The following TRIM24 variants were observed in gnomAD, a reference collection of about 807,000 sequenced individuals.
TRIM24 encodes the protein transcription intermediary factor 1-alpha.
In TRIM24, 29 loss-of-function variants were observed where a neutral mutation model predicts 123.9. The observed-to-expected ratio is 0.23, with a 90% confidence interval of 0.17 to 0.32. The LOEUF is 0.32. Among genes scored for constraint, TRIM24 ranks in the 10% least tolerant of loss-of-function variants. The probability of loss-of-function intolerance (pLI) is 1.00; values close to 1 mark genes in which losing one functional copy is unlikely to be tolerated. For missense variants in TRIM24, 932 were observed against 1,295.3 expected (o/e 0.72, Z 4.31); for synonymous variants, 456 against 461.1 (o/e 0.99, Z 0.14).
chr7:138,484,442 A>G lies in TRIM24; in HGVS notation c.365-19848A>G, dbSNP rs187710169. 6.7e-5 allele frequency among the ~76,000 whole-genome samples: 10 copies of G among 150,210 alleles called. 1 individual carries two copies. Among genetic ancestry groups the G allele is most frequent in the Admixed American group, 6.6e-4 (10 of 15,040 alleles). ...TTTTTTTTTTAATATACTTTTTCTT[A>G]TGTATCTAGTGAAAGCATAATTGTT... is the stretch of plus-strand genomic sequence containing the variant. On this transcript the variant is annotated intron_variant, in intron 1 of 18. Transcript: ENST00000343526.
chr7:138,517,090 G>A (rs1322690891), intron 3 of TRIM24, among the ~76,000 whole-genome samples: 2 of 150,306 alleles, frequency 1.3e-5, no homozygotes, highest in African/African-American at 4.9e-5. Flanking sequence ...GCGCGACAGT[G>A]TGAGATCCTG....
At position 138,554,962 on chromosome 7, in the gene TRIM24, A is replaced by T; in HGVS notation, c.1526A>T (p.His509Leu). Residue 509 changes from histidine (H) to leucine (L), a missense_variant, in exon 9 of 19, where the codon CAT (histidine) becomes CTT (leucine). His to Leu is a moderately conservative substitution (Grantham distance 99, BLOSUM62 -3). This residue lies in a region of TRIM24 where 527 missense variants were observed against 691.3 expected (regional missense o/e 0.76). Transcript: ENST00000343526. The surrounding 1 kb of genome is among the most constrained non-coding windows in gnomAD (Gnocchi z 4.5). The stretch of plus-strand genomic sequence containing the variant: ...CCCATCCAGCAACCTTCCATCTCTC[A>T]TCAGGTAAATTTGGAAGCAGGCCTG... ...QGPIQQPSIS[H>L]QQPPPRLINF... 1 of 1,612,340 alleles carries T rather than the reference A, an allele frequency of 6.2e-7. No homozygotes were observed. The highest frequency in any genetic ancestry group is 8.5e-7 in the Non-Finnish European group (1 of 1,178,636).
At chr7:138,560,481 A>G (rs1797403573) in intron 9 of TRIM24, among the ~76,000 whole-genome samples, 1 of 152,180 alleles carries the variant, frequency 6.6e-6, no homozygotes, top group Non-Finnish European at 1.5e-5. Flanking sequence ...AGTGAAGTCC[A>G]TTAGTAGGTT....
intron 1 of TRIM24, among the ~76,000 whole-genome samples, chr7:138,474,186 C>T (rs555976953): frequency 9.2e-4 from 132 of 144,172 alleles, no homozygotes; most frequent in Non-Finnish European, 1.8e-3. Context: ...AGTGCAGTGG[C>T]GCTATCTCAG....
intron 1 of TRIM24, among the ~76,000 whole-genome samples, chr7:138,485,130 A>T (rs1277062807): frequency 6.6e-6 from 1 of 152,228 alleles, no homozygotes; most frequent in African/African-American, 2.4e-5. Context: ...AAAATACATT[A>T]ATCGTTCTGT....
At chr7:138,519,369 G>A (rs200515082) in intron 4 of TRIM24, 48 bp downstream of exon 4, 26 of 1,533,828 alleles carry the variant, frequency 1.7e-5, no homozygotes, top group Middle Eastern at 4.7e-4. Context: ...CAGCTTTAGA[G>A]GACTAAAGGA....
chr7:138,529,756 A>G (rs1333076662), intron 6 of TRIM24, among the ~76,000 whole-genome samples: 1 of 152,198 alleles, frequency 6.6e-6, no homozygotes, highest in Admixed American at 6.5e-5. Flanking sequence ...AAACATTACC[A>G]TCTTCCTCAG....
chr7:138,469,375 C>G (rs1204024964), intron 1 of TRIM24, among the ~76,000 whole-genome samples: 1 of 148,290 alleles, frequency 6.7e-6, no homozygotes, highest in Non-Finnish European at 1.5e-5. Flanking sequence ...CAGTGGCCAT[C>G]TTGGCTCACT....
chr7:138,530,904 C>A (rs1465752362), intron 6 of TRIM24, among the ~76,000 whole-genome samples: 1 of 151,620 alleles, frequency 6.6e-6, no homozygotes, highest in African/African-American at 2.4e-5. Flanking sequence ...TGCAACCACA[C>A]CTGACTAATT....
At chr7:138,470,790 G>T (rs966818551) in intron 1 of TRIM24, among the ~76,000 whole-genome samples, 58 of 152,318 alleles carry the variant, frequency 3.8e-4, no homozygotes, top group African/African-American at 1.2e-3. Flanking sequence ...TAGCTGACAA[G>T]GGGATTAGCT....
rs1584752453 is a variant in TRIM24 at position 138,583,919 on chromosome 7, G to T, written c.2863G>T (p.Asp955Tyr). 1 of 1,604,044 alleles carries T rather than the reference G, an allele frequency of 6.2e-7. No individual in the cohort carries two copies. The highest frequency in any genetic ancestry group is 8.5e-7 in the Non-Finnish European group (1 of 1,175,984). ...AACCATCAAGAAAAGACTACAAGAA[G>T]ATTATTCCATGTACTCAAAACCTGA... is the stretch of plus-strand genomic sequence containing the variant. ...LSTIKKRLQE[D>Y]YSMYSKPEDF... The change falls in exon 18 of 19, where the codon GAT becomes TAT. Residue 955 changes from aspartate to tyrosine, a missense_variant. Transcript: ENST00000343526.
chr7:138,474,415 G>A (rs891916921), intron 1 of TRIM24, among the ~76,000 whole-genome samples: 3 of 152,110 alleles, frequency 2.0e-5, no homozygotes, highest in Non-Finnish European at 2.9e-5. Flanking sequence ...GTGAGCCACC[G>A]CGCCCGGCCT....
chr7:138,465,538 A>G (rs769679827), intron 1 of TRIM24, among the ~76,000 whole-genome samples: 8 of 152,188 alleles, frequency 5.3e-5, no homozygotes, highest in Non-Finnish European at 1.0e-4. Flanking sequence ...GAAAGGTATT[A>G]TTTGTCTAGA....
chr7:138,463,988 A>ACTTTTTT (rs1795071649), intron 1 of TRIM24, among the ~76,000 whole-genome samples: 1 of 32,114 alleles, frequency 3.1e-5, no homozygotes, highest in African/African-American at 1.3e-4. Flanking sequence ...AAAAATTTAG[A>ACTTTTTT]CTTTTTTTTT....
rs769519346 is a variant in TRIM24 at position 138,576,401 on chromosome 7, C to T, written c.2043C>T (p.Pro681=). Reference sequence around the variant, plus strand: ...CTGTTACTATGACTAGTGTACACCCCCCAATACGTTCACCTAGTGCCTCCA... The same window carrying T: ...CTGTTACTATGACTAGTGTACACCCTCCAATACGTTCACCTAGTGCCTCCA... ...AGPVTMTSVH[P]PIRSPSASSV... The change falls in exon 13 of 19, where the codon CCC becomes CCT. Residue 681 remains proline (P), a synonymous_variant. Coordinates refer to ENST00000343526, the MANE Select transcript of TRIM24 (RefSeq NM_015905.3). 2.2e-5 allele frequency: 35 copies of T among 1,613,738 alleles called. No individual in the cohort carries two copies. The South Asian group carries it at 2.6e-4, about 12-fold the overall frequency.
intron 9 of TRIM24, among the ~76,000 whole-genome samples, chr7:138,558,555 G>C (rs763950674): frequency 6.6e-6 from 1 of 152,186 alleles, no homozygotes; most frequent in Non-Finnish European, 1.5e-5. Context: ...TATGTTTTCA[G>C]CCAGTTGGGC....
chr7:138,468,275 T>C (rs138957177), intron 1 of TRIM24, among the ~76,000 whole-genome samples: 61 of 152,336 alleles, frequency 4.0e-4, no homozygotes, highest in Admixed American at 7.8e-4. Flanking sequence ...TGTCTCCTTT[T>C]TTTGTTAATG....
Position 138,551,174 on chromosome 7 carries a change from A to G in TRIM24, c.1255A>G (p.Asn419Asp). 1 of 1,611,780 alleles carries G rather than the reference A, an allele frequency of 6.2e-7. No individual in the cohort carries two copies. Among genetic ancestry groups the G allele is most frequent in the Non-Finnish European group, 8.5e-7 (1 of 1,177,900 alleles). ...TAGTTTCTGGGCTCAAAATATCATCAACTTAGGTGGGCCATTACCATTACA... is the reference window on the plus strand; with the variant it reads ...TAGTTTCTGGGCTCAAAATATCATCGACTTAGGTGGGCCATTACCATTACA... ...DPSFWAQNII[N>D]LGSLVIEDKE... is the part of the protein sequence containing the mutation. The change falls in exon 8 of 19, where the codon AAC (asparagine) becomes GAC (aspartate). Residue 419 changes from asparagine to aspartate, a missense_variant. Asn to Asp is a conservative substitution (Grantham distance 23). This residue lies in a region of TRIM24 where 527 missense variants were observed against 691.3 expected (regional missense o/e 0.76). Transcript: ENST00000343526.
intron 1 of TRIM24, among the ~76,000 whole-genome samples, chr7:138,464,025 C>T (rs1231620918): frequency 6.4e-4 from 10 of 15,618 alleles, no homozygotes; most frequent in South Asian, 1.2e-3. Flanking sequence ...GACGGAGTCT[C>T]GCTCTGTCGC....
Sources: gnomAD v4.1 joint callset for allele counts (sites outside exome capture counted in the v4.1 genomes callset) on GRCh38, gnomAD v4.1.1 for gene constraint, gnomAD v4.1.1 regional missense constraint, Gnocchi (gnomAD v3.1) non-coding constraint, MANE v1.5 for transcripts, NCBI Gene and HGNC (gene_info 2026-07-23, HGNC 2026-07-21) for gene names.